DDX59: variants seen among roughly 807,000 people sequenced by gnomAD.
DDX59 encodes probable ATP-dependent RNA helicase DDX59.
A neutral mutation model predicts 51.9 loss-of-function variants in DDX59; 30 were observed. The ratio of observed to expected loss-of-function variants is 0.58; its 90% CI spans 0.43 to 0.78. DDX59 has a LOEUF of 0.78. DDX59 is among the 30% of genes least tolerant of loss of function. The pLI, the probability that DDX59 is intolerant of heterozygous loss-of-function variation, is 0.00. For synonymous variants in DDX59, 255 were observed against 253.3 expected (o/e 1.01, Z -0.06); for missense variants, 672 against 730.8 (o/e 0.92, Z 0.93).
At chr1:200,657,075 C>T (rs969801390) in intron 4 of DDX59, among the ~76,000 whole-genome samples, 19 of 151,976 alleles carry the variant, frequency 1.3e-4, no homozygotes, top group African/African-American at 4.6e-4. Flanking sequence ...CATGGTAAAA[C>T]TCTGTCTCAA....
intron 2 of DDX59, among the ~76,000 whole-genome samples, chr1:200,665,705 T>A (rs1388469120): frequency 6.6e-6 from 1 of 152,146 alleles, no homozygotes; most frequent in Non-Finnish European, 1.5e-5. Flanking sequence ...GGAAGCAAGT[T>A]TTTAGATCGT....
At chr1:200,664,397 C>A (rs1558129868) in intron 2 of DDX59, among the ~76,000 whole-genome samples, 1 of 152,190 alleles carries the variant, frequency 6.6e-6, no homozygotes, top group African/African-American at 2.4e-5. Context: ...CAGTCATCCT[C>A]CCCTGAAGAG....
intron 4 of DDX59, among the ~76,000 whole-genome samples, chr1:200,657,814 G>T (rs1428461985): frequency 6.6e-6 from 1 of 151,888 alleles, no homozygotes; most frequent in African/African-American, 2.4e-5. Flanking sequence ...CTACTCAGGA[G>T]GCTGAGGCAG....
chr1:200,650,486 C>G lies in DDX59; in HGVS notation c.1253G>C (p.Arg418Pro), dbSNP rs78882239. 2 of 1,613,922 alleles carry G rather than the reference C, an allele frequency of 1.2e-6. No homozygotes were observed. The highest frequency in any genetic ancestry group is 1.1e-5 in the South Asian group (1 of 91,074). Reference sequence around the variant, plus strand: ...GTCTTCTACCCACAAAATAATCTGACGTACATTGGCACAAGGTAGGTTCTT... The same window carrying G: ...GTCTTCTACCCACAAAATAATCTGAGGTACATTGGCACAAGGTAGGTTCTT... ...GEKNLPCANVRQIILWVEDPA... is the reference protein window; with the variant it reads ...GEKNLPCANVPQIILWVEDPA... Residue 418 changes from arginine to proline, a missense_variant, in exon 5 of 8, where the codon CGT becomes CCT. Arg to Pro is a moderately radical substitution (Grantham distance 103, BLOSUM62 -2). Coordinates refer to ENST00000331314, the MANE Select transcript of DDX59 (RefSeq NM_001031725.6).
At chr1:200,645,204 A>G (rs903774873) in intron 7 of DDX59, among the ~76,000 whole-genome samples, 3 of 152,228 alleles carry the variant, frequency 2.0e-5, no homozygotes, top group Non-Finnish European at 4.4e-5. Context: ...TAAGAGCAAG[A>G]GGACTATTTA....
At chr1:200,646,331 C>A (rs1489201271) in intron 7 of DDX59, among the ~76,000 whole-genome samples, 1 of 151,780 alleles carries the variant, frequency 6.6e-6, no homozygotes, top group Non-Finnish European at 1.5e-5. Context: ...GAGACCCCGT[C>A]TCTTAAAAAA....
intron 4 of DDX59, among the ~76,000 whole-genome samples, chr1:200,655,679 T>A (rs4915448): frequency 6.6e-6 from 1 of 152,144 alleles, no homozygotes; most frequent in African/African-American, 2.4e-5. Flanking sequence ...AACTGATACA[T>A]CCTCTAGTTT....
chr1:200,668,383 C>T (rs1182491248), intron 1 of DDX59, among the ~76,000 whole-genome samples: 3 of 151,986 alleles, frequency 2.0e-5, no homozygotes, highest in African/African-American at 7.3e-5. Context: ...AACCCTGGCA[C>T]TGTGGATCCA....
rs370730702 is a variant in DDX59 at position 200,650,479 on chromosome 1, A to G, written c.1260T>C (p.Ile420=). Residue 420 remains isoleucine, a synonymous_variant, in exon 5 of 8, where the codon ATT becomes ATC. Transcript: ENST00000331314. ...KNLPCANVRQ[I]ILWVEDPAKK... is the part of the protein sequence containing the mutation. ...TGGCTGGGTCTTCTACCCACAAAAT[A>G]ATCTGACGTACATTGGCACAAGGTA... is the stretch of plus-strand genomic sequence containing the variant. 6.2e-7 allele frequency: 1 copy of G among 1,613,866 alleles called. No homozygotes were observed. Among genetic ancestry groups the G allele is most frequent in the Non-Finnish European group, 8.5e-7 (1 of 1,179,890 alleles).
At position 200,666,730 on chromosome 1, in the gene DDX59, G is replaced by A. The variant is rs1558133234; in HGVS notation, c.11C>T (p.Pro4Leu). Residue 4 changes from proline (P) to leucine (L), a missense_variant, in exon 2 of 8, where the codon CCA (proline) becomes CTA (leucine). Transcript: ENST00000331314. MFV[P>L]RSLKIKRNAN... The stretch of plus-strand genomic sequence containing the variant: ...ATTCCTCTTGATTTTTAGAGATCTT[G>A]GAACAAACATCCTTCAATATTCTGT... 6.2e-7 allele frequency: 1 copy of A among 1,609,548 alleles called. No homozygotes were observed. Among genetic ancestry groups the A allele is most frequent in the South Asian group, 1.1e-5 (1 of 90,720 alleles).
chr1:200,656,280 C>T (rs1662016314), intron 4 of DDX59, among the ~76,000 whole-genome samples: 1 of 152,152 alleles, frequency 6.6e-6, no homozygotes, highest in Non-Finnish European at 1.5e-5. Context: ...ACATTGGCCC[C>T]CAAAGCCTAA....
chr1:200,667,063 GTGCCAC>G (rs1662814598), intron 1 of DDX59, among the ~76,000 whole-genome samples: 1 of 151,214 alleles, frequency 6.6e-6, no homozygotes, highest in African/African-American at 2.4e-5. Context: ...AGCCGAGATC[GTGCCAC>G]TGCCCTCCAG....
downstream of DDX59, chr1:200,641,278 G>A (rs1270477755): frequency 4.0e-6 from 5 of 1,254,690 alleles, no homozygotes; most frequent in South Asian, 6.3e-5. Flanking sequence ...AAATAGTGTA[G>A]TTTTACTGGA....
intron 4 of DDX59, among the ~76,000 whole-genome samples, chr1:200,657,921 A>G (rs77950897): frequency 6.7e-6 from 1 of 149,382 alleles, no homozygotes; most frequent in East Asian, 1.9e-4. Flanking sequence ...CTGTCTCAAG[A>G]AAAAAAAAAG....
chr1:200,641,060 A>C (rs1037308079), downstream of DDX59: 1 of 738,614 alleles, frequency 1.4e-6, no homozygotes, highest in Non-Finnish European at 2.1e-6. Flanking sequence ...GCGGCAACAA[A>C]AGAGTCCTAT....
chr1:200,659,585 C>T (rs893635970), intron 3 of DDX59, among the ~76,000 whole-genome samples: 1 of 152,148 alleles, frequency 6.6e-6, no homozygotes. Flanking sequence ...GTGAAAATTC[C>T]GTAACATCTT....
rs776315239 is a variant in DDX59, at chr1:200,666,072, A to G, written c.669T>C (p.Tyr223=). ...GCATTTGAATGGGAGTTGGCACCTC[A>G]TAGCCTGATTTCTTCAAGTTGTGAT... ...VLNHNLKKSG[Y]EVPTPIQMQM... is the part of the protein sequence containing the mutation. Residue 223 remains tyrosine, a synonymous_variant, in exon 2 of 8, where the codon TAT becomes TAC. Transcript: ENST00000331314. 1.1e-5 allele frequency: 17 copies of G among 1,614,116 alleles called. No individual in the cohort carries two copies. In the Admixed American group the frequency reaches 2.7e-4, roughly 25 times the overall value.
At chr1:200,641,367 T>A, downstream of DDX59, 1 of 361,942 alleles carries the variant, frequency 2.8e-6, no homozygotes, top group Non-Finnish European at 4.7e-6. Context: ...GGCAATGATC[T>A]TTGTAAAGAT....
At chr1:200,654,821 T>C (rs1452627913) in intron 4 of DDX59, 1 of 152,266 alleles carries the variant, frequency 6.6e-6, no homozygotes, top group Non-Finnish European at 1.5e-5. Flanking sequence ...ACTATTTGCA[T>C]CTTCATCCTC....
Sources: gnomAD v4.1 joint callset for allele counts (sites outside exome capture counted in the v4.1 genomes callset) on GRCh38, gnomAD v4.1.1 for gene constraint, MANE v1.5 for transcripts, NCBI Gene and HGNC (gene_info 2026-07-23, HGNC 2026-07-21) for gene names.